The following TPX2 variants were observed in gnomAD, a reference collection of about 807,000 sequenced individuals.
TPX2 encodes targeting protein for Xklp2.
TPX2 carries 21 observed loss-of-function variants against 93.6 expected under a neutral mutation model. That is an observed-to-expected ratio of 0.22 (90% CI 0.16 to 0.32). The LOEUF is 0.32. Among genes scored for constraint, TPX2 ranks in the 10% least tolerant of loss-of-function variants. TPX2 has a pLI of 1.00. For synonymous variants in TPX2, 281 were observed against 298.3 expected (o/e 0.94, Z 0.60); for missense variants, 776 against 871.1 (o/e 0.89, Z 1.37).
chr20:31,797,598 A>G, intron 16 of TPX2, 83 bp downstream of exon 16: 3 of 1,224,412 alleles, frequency 2.5e-6, no homozygotes, highest in Non-Finnish European at 3.5e-6. Flanking sequence ...GTGTCAGTAC[A>G]ATGCTGTGTC....
At chr20:31,755,081 T>A (rs1329173726) in intron 2 of TPX2, among the ~76,000 whole-genome samples, 1 of 152,162 alleles carries the variant, frequency 6.6e-6, no homozygotes, top group African/African-American at 2.4e-5. Flanking sequence ...CCTGAGTAGC[T>A]GGGATTACAG....
At chr20:31,749,820 C>T (rs1224218963) in intron 2 of TPX2, among the ~76,000 whole-genome samples, 1 of 152,034 alleles carries the variant, frequency 6.6e-6, no homozygotes, top group Admixed American at 6.6e-5. Flanking sequence ...AAGTTAATAG[C>T]TGTTTTTATT....
At chr20:31,742,934 GC>G (rs2061761621) in intron 2 of TPX2, among the ~76,000 whole-genome samples, 1 of 152,138 alleles carries the variant, frequency 6.6e-6, no homozygotes, top group Admixed American at 6.5e-5. Context: ...CTCATATGCG[GC>G]CGGTTACTGT....
chr20:31,740,940 G>T (rs1332705175), intron 1 of TPX2, among the ~76,000 whole-genome samples: 1 of 151,314 alleles, frequency 6.6e-6, no homozygotes, highest in Non-Finnish European at 1.5e-5. Flanking sequence ...TGAAAAACTG[G>T]ATTGTATTCA....
intron 10 of TPX2, 52 bp downstream of exon 10, chr20:31,779,036 C>G: frequency 6.7e-7 from 1 of 1,489,654 alleles, no homozygotes. Context: ...TACATTCCCT[C>G]TGCTTACATC....
chr20:31,797,458 A>C lies in TPX2; in HGVS notation c.1888A>C (p.Asn630His), dbSNP rs1175115202. 1 of 1,614,118 alleles carries C rather than the reference A, an allele frequency of 6.2e-7. No individual in the cohort carries two copies. The highest frequency in any genetic ancestry group is 2.2e-5 in the East Asian group (1 of 44,884). ...AGCAGCTTGTTTCAAGGCTCGTCCA[A>C]ACACCGTCATCTCTCAGGAGCCCTT... is the stretch of plus-strand genomic sequence containing the variant. Reference protein sequence around the residue: ...KEAACFKARPNTVISQEPFVP... With the variant: ...KEAACFKARPHTVISQEPFVP... The change falls in exon 16 of 18, where the codon AAC becomes CAC. Residue 630 changes from asparagine (N) to histidine (H), a missense_variant. This residue lies in a region of TPX2 where 461 missense variants were observed against 551.2 expected (regional missense o/e 0.84). Transcript: ENST00000300403.
chr20:31,747,433 T>C (rs972801053), intron 2 of TPX2, among the ~76,000 whole-genome samples: 1 of 151,796 alleles, frequency 6.6e-6, no homozygotes, highest in African/African-American at 2.4e-5. Context: ...TTTATATCTC[T>C]ATCTCTGTCT....
intron 5 of TPX2, 97 bp from the exon 6 acceptor site, chr20:31,770,246 C>T (rs2061956796): frequency 4.9e-6 from 4 of 817,026 alleles, no homozygotes; most frequent in Non-Finnish European, 6.8e-6. Context: ...CATTTTATTG[C>T]CCTTTGTAGT....
rs889664730 is a variant in TPX2, at chr20:31,778,883, A to G, written c.953A>G (p.Asp318Gly). Residue 318 changes from aspartate to glycine, a missense_variant, in exon 10 of 18, where the codon GAT becomes GGT. Coordinates refer to ENST00000300403, the MANE Select transcript of TPX2 (RefSeq NM_012112.5). Reference sequence around the variant, plus strand: ...TCCCAAGGAAAGAAAAGAACATTTGATGAAACAGTTTCTACATATGTGCCC... The same window carrying G: ...TCCCAAGGAAAGAAAAGAACATTTGGTGAAACAGTTTCTACATATGTGCCC... ...NLSQGKKRTF[D>G]ETVSTYVPLA... The G allele has an allele frequency of 7.4e-6, 12 of 1,612,818 alleles. No homozygotes were observed. The highest frequency in any genetic ancestry group is 1.3e-5 in the African/African-American group (1 of 74,892).
intron 9 of TPX2, among the ~76,000 whole-genome samples, chr20:31,778,509 C>T (rs569772764): frequency 6.6e-6 from 1 of 152,010 alleles, no homozygotes; most frequent in Non-Finnish European, 1.5e-5. Context: ...TGCTTTTTGT[C>T]TTCAATTCTA....
intron 1 of TPX2, among the ~76,000 whole-genome samples, chr20:31,740,811 C>T (rs2061749284): frequency 6.6e-6 from 1 of 152,054 alleles, no homozygotes; most frequent in Non-Finnish European, 1.5e-5. Flanking sequence ...TTCTTGATAA[C>T]CAGAGTTTGG....
Position 31,772,019 on chromosome 20 carries a change from C to CTTT in TPX2, c.608+354_608+356dup, listed in dbSNP as rs397866298. Among the ~76,000 whole-genome samples, 442 of 125,246 alleles carry CTTT rather than the reference C, an allele frequency of 3.5e-3. 15 individuals carry two copies. The highest frequency in any genetic ancestry group is 0.011 in the African/African-American group (353 of 31,380). The allele number at this position is 125,246 out of a possible 152,430, so 82.2% of individuals were successfully genotyped here. ...GGCATGCACTATCATGCCTGGCTAACTTTTTTTTTTTTTTTTTTTGAGACA... is the reference window on the plus strand; with the variant it reads ...GGCATGCACTATCATGCCTGGCTAACTTTTTTTTTTTTTTTTTTTTTTGAGACA... On this transcript the variant is annotated intron_variant, in intron 7 of 17. Coordinates refer to ENST00000300403, the MANE Select transcript of TPX2 (RefSeq NM_012112.5).
At chr20:31,749,376 C>T (rs1052158448) in intron 2 of TPX2, among the ~76,000 whole-genome samples, 12 of 152,316 alleles carry the variant, frequency 7.9e-5, no homozygotes, top group Non-Finnish European at 1.2e-4. Flanking sequence ...CTCTGTGCCT[C>T]AAGTCCCTCA....
At chr20:31,779,344 T>G (rs2062019999) in intron 10 of TPX2, among the ~76,000 whole-genome samples, 2 of 152,232 alleles carry the variant, frequency 1.3e-5, no homozygotes, top group African/African-American at 2.4e-5. Context: ...GGCTATGTGC[T>G]TTTTATTCAG....
At chr20:31,761,831 A>G (rs959050610) in intron 4 of TPX2, among the ~76,000 whole-genome samples, 1 of 152,144 alleles carries the variant, frequency 6.6e-6, no homozygotes, top group African/African-American at 2.4e-5. Flanking sequence ...GAGCCTCCAT[A>G]CTGTTTTCCA....
In TPX2 at chr20:31,799,299, G is replaced by T. The variant is rs148243154; in HGVS notation, c.2133+747G>T. ...CGTATGATAAATAAAAAAAGAAAGG[G>T]TCATGGGGAGATGTTGGTAAAAGGT... is the stretch of plus-strand genomic sequence containing the variant. On this transcript the variant is annotated intron_variant, in intron 17 of 17. Transcript: ENST00000300403. Among the ~76,000 whole-genome samples, 854 of 152,266 alleles carry T rather than the reference G, an allele frequency of 5.6e-3. 9 individuals are homozygous for T. Among genetic ancestry groups the T allele is most frequent in the African/African-American group, 0.02 (817 of 41,552 alleles).
intron 2 of TPX2, 65 bp from the exon 3 acceptor site, chr20:31,757,342 G>A (rs2061858396): frequency 2.9e-6 from 2 of 680,054 alleles, no homozygotes; most frequent in African/African-American, 3.7e-5. Flanking sequence ...TTACAAACGT[G>A]GTAGTAAAAC....
intron 2 of TPX2, among the ~76,000 whole-genome samples, chr20:31,746,156 A>G (rs2061782700): frequency 6.6e-6 from 1 of 152,244 alleles, no homozygotes; most frequent in Non-Finnish European, 1.5e-5. Flanking sequence ...TGGAAGCTTC[A>G]TAGATCTGTT....
intron 5 of TPX2, among the ~76,000 whole-genome samples, chr20:31,769,256 A>G (rs2061948695): frequency 6.6e-6 from 1 of 151,034 alleles, no homozygotes; most frequent in African/African-American, 2.4e-5. Flanking sequence ...AAACTAACAT[A>G]CCATGTTTAC....
Sources: allele counts gnomAD v4.1 joint callset (sites outside exome capture counted in the v4.1 genomes callset), GRCh38; gene constraint gnomAD v4.1.1; regional missense constraint gnomAD v4.1.1; transcripts MANE v1.5; gene names NCBI Gene and HGNC (gene_info 2026-07-23, HGNC 2026-07-21).